Variants in CPOX observed in about 807,000 individuals in gnomAD.
The protein encoded by CPOX is oxygen-dependent coproporphyrinogen-III oxidase, mitochondrial.
Under a neutral mutation model 48.9 loss-of-function variants are expected in CPOX, and 24 were observed. The observed-to-expected ratio is 0.49, with a 90% CI of 0.36 to 0.69. The LOEUF is 0.69. Ranked by LOEUF, CPOX falls within the 30% of genes least tolerant of loss-of-function variation. The pLI is 0.00. For missense variants in CPOX, 549 were observed against 597.3 expected (o/e 0.92, Z 0.84); for synonymous variants, 249 against 234.6 (o/e 1.06, Z -0.56).
chr3:98,588,728 G>T lies in CPOX; in HGVS notation c.938C>A (p.Pro313His). ...ACDQHGPDLY[P>H]KFKKWCDDYF... is the part of the protein sequence containing the mutation. ...CTTTACCTACCATTTTTTAAATTTG[G>T]GGTAGAGATCTGGACCATGCTGGTC... Residue 313 changes from proline to histidine, a missense_variant, in exon 4 of 7, where the codon CCC becomes CAC. Transcript: ENST00000647941. 6.2e-7 allele frequency: 1 copy of T among 1,614,022 alleles called. No individual in the cohort carries two copies. Among genetic ancestry groups the T allele is most frequent in the East Asian group, 2.2e-5 (1 of 44,878 alleles).
chr3:98,574,099 T>G, the CPOX span, among the ~76,000 whole-genome samples: 1 of 152,188 alleles, frequency 6.6e-6, no homozygotes, highest in African/African-American at 2.4e-5. Flanking sequence ...GACTGAGCTC[T>G]CCTGAGTTCA....
downstream of CPOX, chr3:98,578,331 C>T (rs1287934681): frequency 6.1e-6 from 3 of 492,674 alleles, no homozygotes; most frequent in Non-Finnish European, 7.9e-6. Context: ...TTAAACACAA[C>T]TAAATAGGCT....
chr3:98,572,349 T>C, the CPOX span, among the ~76,000 whole-genome samples: 4 of 152,236 alleles, frequency 2.6e-5, no homozygotes, highest in Non-Finnish European at 5.9e-5. Flanking sequence ...TTCATTTTTT[T>C]AAGTTTGTAC....
intron 5 of CPOX, among the ~76,000 whole-genome samples, chr3:98,585,228 C>G (rs60105848): frequency 1.3e-5 from 2 of 152,106 alleles, no homozygotes; most frequent in East Asian, 3.8e-4. Context: ...TACATGCCTA[C>G]TATGAGTCTC....
chr3:98,581,314 A>C, intron 6 of CPOX, 93 bp downstream of exon 6: 1 of 914,736 alleles, frequency 1.1e-6, no homozygotes, highest in South Asian at 1.3e-5. Context: ...ACAAAGACCT[A>C]GGCACAACAT....
chr3:98,591,165 G>C lies in CPOX; in HGVS notation c.557-10C>G, dbSNP rs1553696573. ...CTGATGCCGCCACCTCCTGTGTATA[G>C]AAATGTAAAAAAGGAGAGAATGTAA... On this transcript the variant is annotated splice_polypyrimidine_tract_variant and intron_variant, in intron 1 of 6. Coordinates refer to ENST00000647941, the MANE Select transcript of CPOX (RefSeq NM_000097.7). 4 of 1,613,970 alleles carry C rather than the reference G, an allele frequency of 2.5e-6. No homozygotes were observed. Among genetic ancestry groups the C allele is most frequent in the Non-Finnish European group, 3.4e-6 (4 of 1,179,986 alleles).
downstream of CPOX, among the ~76,000 whole-genome samples, chr3:98,574,832 G>A (rs1034677430): frequency 7.9e-5 from 12 of 152,162 alleles, no homozygotes; most frequent in African/African-American, 2.9e-4. Flanking sequence ...ACCCACCTCG[G>A]CCTCCCAAAG....
In CPOX at chr3:98,580,486, T is replaced by C. The variant is rs1707236715; in HGVS notation, c.*197A>G. 1.4e-6 allele frequency: 2 copies of C among 1,423,350 alleles called. No homozygotes were observed. The highest frequency in any genetic ancestry group is 2.9e-5 in the South Asian group (2 of 68,384). 88.2% of individuals were successfully genotyped at this position (1,423,350 alleles called of 1,614,324 possible). A position where few individuals can be genotyped will look rare whatever the true frequency, so the allele number is the denominator to read the frequency against. Reference sequence around the variant, plus strand: ...GAAGTATAAATGAGGTTTAATCAATTGACTCTGACAATCTGCCATCTCACC... The same window carrying C: ...GAAGTATAAATGAGGTTTAATCAATCGACTCTGACAATCTGCCATCTCACC... On this transcript the variant is annotated 3_prime_UTR_variant, in exon 7 of 7. Transcript: ENST00000647941.
At position 98,580,756 on chromosome 3, in the gene CPOX, T is replaced by C. The variant is rs143456081; in HGVS notation, c.1292A>G (p.His431Arg). ...LPLTARWEYM[H>R]SPSENSKEAE... Reference sequence around the variant, plus strand: ...TTCTTTGGAATTCTCTGAGGGTGAATGCATGTACTCCCATCTATGCATGTC... The same window carrying C: ...TTCTTTGGAATTCTCTGAGGGTGAACGCATGTACTCCCATCTATGCATGTC... The change falls in exon 7 of 7, where the codon CAT becomes CGT. Residue 431 changes from histidine (H) to arginine (R), a missense_variant. His to Arg is a conservative substitution (Grantham distance 29). Transcript: ENST00000647941. 120 of 1,613,944 alleles carry C rather than the reference T, an allele frequency of 7.4e-5. No homozygotes were observed. The East Asian group carries it at 1.4e-3, about 19-fold the overall frequency.
chr3:98,592,805 A>G, intron 1 of CPOX, 144 bp downstream of exon 1: 1 of 841,062 alleles, frequency 1.2e-6, no homozygotes, highest in Non-Finnish European at 1.9e-6. Context: ...TCTTTTTATC[A>G]GCGGCCTCTA....
At chr3:98,577,632 CAG>C (rs1307453094), downstream of CPOX, among the ~76,000 whole-genome samples, 1 of 152,176 alleles carries the variant, frequency 6.6e-6, no homozygotes, top group African/African-American at 2.4e-5. Flanking sequence ...TCCTTAATGA[CAG>C]ACTTGTCAGG....
rs764098419 is a variant in CPOX, at chr3:98,581,451, T to G, written c.1233A>C (p.Gly411=). 1.9e-6 allele frequency: 3 copies of G among 1,614,080 alleles called. No individual in the cohort carries two copies. The highest frequency in any genetic ancestry group is 1.7e-4 in the Middle Eastern group (1 of 6,060). ...RGTKFGLFTP[G]SRIESILMSL... Reference sequence around the variant, plus strand: ...ACATCAAGATACTTTCAATTCTGGATCCTGGAGTGAAGAGGCCAAACTTTG... The same window carrying G: ...ACATCAAGATACTTTCAATTCTGGAGCCTGGAGTGAAGAGGCCAAACTTTG... Residue 411 remains glycine (G), a synonymous_variant, in exon 6 of 7, where the codon GGA becomes GGC. Transcript: ENST00000647941.
chr3:98,593,298 T>C lies in CPOX; in HGVS notation c.207A>G (p.Arg69=), dbSNP rs1181435468. Residue 69 remains arginine (R), a synonymous_variant, in exon 1 of 7, where the codon AGA becomes AGG. Coordinates refer to ENST00000647941, the MANE Select transcript of CPOX (RefSeq NM_000097.7). The part of the protein sequence containing the change: ...SRGLGHGSTS[R]GGPWVGTGLA... ...GCCCTGTCCCCACCCAGGGGCCGCCTCTCGACGTCGAGCCGTGCCCCAGCC... is the reference window on the plus strand; with the variant it reads ...GCCCTGTCCCCACCCAGGGGCCGCCCCTCGACGTCGAGCCGTGCCCCAGCC... 6.9e-7 allele frequency: 1 copy of C among 1,444,616 alleles called. No homozygotes were observed. The highest frequency in any genetic ancestry group is 9.0e-7 in the Non-Finnish European group (1 of 1,106,640). The allele number at this position is 1,444,616 out of a possible 1,614,324, so 89.5% of individuals were successfully genotyped here. A position where few individuals can be genotyped will look rare whatever the true frequency, so the allele number is the denominator to read the frequency against.
intron 5 of CPOX, among the ~76,000 whole-genome samples, chr3:98,584,797 G>T (rs1290069928): frequency 6.6e-6 from 1 of 152,170 alleles, no homozygotes; most frequent in Non-Finnish European, 1.5e-5. Flanking sequence ...GAACAGGGTG[G>T]TTAAAGTGAG....
At position 98,585,476 on chromosome 3, in the gene CPOX, G is replaced by A. The variant is rs554074316; in HGVS notation, c.1137C>T (p.Pro379=). ...VKKHCDDSFT[P]QEKLWQQLRR... ...TGAGCTGCTGCCACAGCTTCTCCTG[G>A]GGGGTGAATGAGTCATCACAGTGCT... The change falls in exon 5 of 7, where the codon CCC becomes CCT. Residue 379 remains proline (P), a synonymous_variant. Transcript: ENST00000647941. 2.1e-5 allele frequency: 34 copies of A among 1,614,020 alleles called. No homozygotes were observed. The East Asian group carries it at 7.1e-4, about 34-fold the overall frequency.
In CPOX at chr3:98,593,221, T is replaced by G. The variant is rs192332456; in HGVS notation, c.284A>C (p.His95Pro). 30 of 1,572,058 alleles carry G rather than the reference T, an allele frequency of 1.9e-5. No homozygotes were observed. In the East Asian group the frequency reaches 6.1e-4, roughly 32 times the overall value. The change falls in exon 1 of 7, where the codon CAT becomes CCT. Residue 95 changes from histidine to proline, a missense_variant. Around this residue, in one of 2 missense-constraint regions of CPOX, gnomAD observed 336 missense variants for 318.1 expected, o/e 1.06. Coordinates refer to ENST00000647941, the MANE Select transcript of CPOX (RefSeq NM_000097.7). ...AGGCAACATCTCCGCCCGCTGCACA[T>G]GCCCGAAGGCGGCGGTGGCCAGCCC... ...LVGLATAAFG[H>P]VQRAEMLPKT...
intron 6 of CPOX, 129 bp from the exon 7 acceptor site, chr3:98,580,899 C>A (rs1467336037): frequency 1.1e-5 from 13 of 1,150,956 alleles, no homozygotes; most frequent in Non-Finnish European, 1.6e-5. Flanking sequence ...TTTGTCTCTA[C>A]TGTGCCTGAT....
chr3:98,571,374 A>G, the CPOX span, among the ~76,000 whole-genome samples: 3 of 152,148 alleles, frequency 2.0e-5, no homozygotes, highest in African/African-American at 4.8e-5. Flanking sequence ...TTCTTTATCA[A>G]TATAAATATT....
the CPOX span, among the ~76,000 whole-genome samples, chr3:98,573,853 G>C: frequency 1.3e-5 from 2 of 152,132 alleles, no homozygotes. Flanking sequence ...TGTAATATTT[G>C]AGCCTTTATT....
Sources: gnomAD v4.1 joint callset for allele counts (sites outside exome capture counted in the v4.1 genomes callset) on GRCh38, gnomAD v4.1.1 for gene constraint, gnomAD v4.1.1 regional missense constraint, MANE v1.5 for transcripts, NCBI Gene and HGNC (gene_info 2026-07-23, HGNC 2026-07-21) for gene names.